Variants in RAD52 observed in about 807,000 individuals in gnomAD.
RAD52 encodes the protein RAD52 DNA repair protein.
RAD52 carries 47 observed loss-of-function variants against 55.5 expected under a neutral mutation model. The ratio of observed to expected loss-of-function variants is 0.85; its 90% CI spans 0.67 to 1.08. The LOEUF (loss-of-function observed/expected upper bound fraction) is 1.08, where lower values mean the gene tolerates loss of function less well. RAD52 is among the 50% of genes least tolerant of loss of function. RAD52 has a pLI of 0.00. For missense variants in RAD52, 468 were observed against 522.8 expected (o/e 0.90, Z 1.02); for synonymous variants, 184 against 198.9 (o/e 0.92, Z 0.63).
intron 7 of RAD52, among the ~76,000 whole-genome samples, chr12:924,827 A>G (rs1303931533): frequency 1.3e-5 from 2 of 152,192 alleles, no homozygotes; most frequent in Non-Finnish European, 2.9e-5. Flanking sequence ...TCTGGGAAGG[A>G]CAGTGGTGCT....
At position 913,187 on chromosome 12, in the gene RAD52, C is replaced by T. The variant is rs1956188127; in HGVS notation, c.*204G>A. ...TTCATCTGTCCAGAGCCTCTCCCTA[C>T]TAGAGTGATGGACAAGCTTTTCAAA... On this transcript the variant is annotated 3_prime_UTR_variant, in exon 12 of 12. Transcript: ENST00000358495. 1 of 587,562 alleles carries T rather than the reference C, an allele frequency of 1.7e-6. No homozygotes were observed. Among genetic ancestry groups the T allele is most frequent in the Non-Finnish European group, 3.0e-6 (1 of 332,740 alleles). 36.4% of individuals were successfully genotyped at this position (587,562 alleles called of 1,614,324 possible). A position where few individuals can be genotyped will look rare whatever the true frequency, so the allele number is the denominator to read the frequency against.
intron 1 of RAD52, among the ~76,000 whole-genome samples, chr12:979,755 T>C (rs1958985903): frequency 6.6e-6 from 1 of 152,124 alleles, no homozygotes; most frequent in African/African-American, 2.4e-5. Flanking sequence ...TATTTTATTA[T>C]GGCAGCTCTT....
At chr12:972,427 G>A (rs959391226) in intron 1 of RAD52, among the ~76,000 whole-genome samples, 3 of 152,136 alleles carry the variant, frequency 2.0e-5, no homozygotes, top group Non-Finnish European at 2.9e-5. Flanking sequence ...AGGAAGTAAG[G>A]AAGCAAGCCT....
rs1371812298 is a variant in RAD52 at position 931,233 on chromosome 12, C to T, written c.173G>A (p.Gly58Asp). ...GPEYISSRMAGGGQKVCYIEG... is the reference protein window; with the variant it reads ...GPEYISSRMADGGQKVCYIEG... ...GAATTCTCCTACCTTCTGGCCTCCG[C>T]CAGCCATGCGGCTACTTATGTATTC... Residue 58 changes from glycine (G) to aspartate (D), a missense_variant, in exon 3 of 12, where the codon GGC becomes GAC. Gly to Asp is a moderately conservative substitution (Grantham distance 94, BLOSUM62 -1). Coordinates refer to ENST00000358495, the MANE Select transcript of RAD52 (RefSeq NM_134424.4). 6.2e-7 allele frequency: 1 copy of T among 1,612,114 alleles called. No homozygotes were observed. Among genetic ancestry groups the T allele is most frequent in the Non-Finnish European group, 8.5e-7 (1 of 1,179,484 alleles).
chr12:912,904 C>T lies in RAD52; in HGVS notation c.*487G>A, dbSNP rs1956174121. ...GATTGATACAAAGTAGTGAAAAGCA[C>T]TGCTCCAACCTTTTTCCTGTCGTGA... On this transcript the variant is annotated 3_prime_UTR_variant, in exon 12 of 12. Transcript: ENST00000358495. The T allele has an allele frequency of 5.1e-6, 1 of 197,594 alleles. No homozygotes were observed. Among genetic ancestry groups the T allele is most frequent in the East Asian group, 8.0e-5 (1 of 12,544 alleles). The allele number at this position is 197,594 out of a possible 1,614,324, so 12.2% of individuals were successfully genotyped here. A position where few individuals can be genotyped will look rare whatever the true frequency, so the allele number is the denominator to read the frequency against.
At chr12:951,146 G>C (rs148276132), upstream of RAD52, among the ~76,000 whole-genome samples, 2 of 152,142 alleles carry the variant, frequency 1.3e-5, no homozygotes, top group East Asian at 3.9e-4. Context: ...AAGCTATCAA[G>C]CTGTTGCCCA....
At chr12:957,178 C>T (rs746208632) in intron 1 of RAD52, among the ~76,000 whole-genome samples, 3 of 152,062 alleles carry the variant, frequency 2.0e-5, no homozygotes, top group Non-Finnish European at 4.4e-5. Flanking sequence ...CATTTTGAGG[C>T]TGGGTGCAGT....
intron 1 of RAD52, among the ~76,000 whole-genome samples, chr12:988,380 G>C (rs898818852): frequency 6.6e-6 from 1 of 152,120 alleles, no homozygotes. Context: ...TGCCCCCACA[G>C]TCCATGTTGG....
intron 5 of RAD52, among the ~76,000 whole-genome samples, chr12:928,502 A>T (rs1957159829): frequency 6.6e-6 from 1 of 151,882 alleles, no homozygotes; most frequent in African/African-American, 2.4e-5. Flanking sequence ...GGGCAACAAG[A>T]GCAAAACTCC....
chr12:949,202 T>C (rs1157171995), intron 1 of RAD52, among the ~76,000 whole-genome samples: 3 of 152,166 alleles, frequency 2.0e-5, no homozygotes, highest in African/African-American at 7.2e-5. Flanking sequence ...AAATTCCTTT[T>C]AAATCAATCA....
chr12:973,224 C>T (rs1053851253), intron 1 of RAD52, among the ~76,000 whole-genome samples: 22 of 152,026 alleles, frequency 1.4e-4, no homozygotes, highest in African/African-American at 4.8e-4. Context: ...CGCCCGCCAC[C>T]ACACCCGGCT....
chr12:965,683 T>C (rs541328198), intron 1 of RAD52, among the ~76,000 whole-genome samples: 18 of 152,060 alleles, frequency 1.2e-4, no homozygotes. Flanking sequence ...AGTTGTTGTT[T>C]GTTTGCTTGG....
At chr12:916,239 CTG>C in intron 9 of RAD52, 103 bp downstream of exon 9, 14 of 1,523,874 alleles carry the variant, frequency 9.2e-6, no homozygotes, top group East Asian at 4.6e-5. Flanking sequence ...CCAGCGAGGC[CTG>C]GTTTGGAGCC....
chr12:958,641 G>C (rs1592470879), intron 1 of RAD52, among the ~76,000 whole-genome samples: 1 of 152,202 alleles, frequency 6.6e-6, no homozygotes, highest in Non-Finnish European at 1.5e-5. Context: ...GCCATTTTTG[G>C]AAAATGCTGC....
At chr12:970,813 G>C (rs1460574399) in intron 1 of RAD52, among the ~76,000 whole-genome samples, 1 of 152,074 alleles carries the variant, frequency 6.6e-6, no homozygotes, top group Non-Finnish European at 1.5e-5. Context: ...TCACAGCAAA[G>C]GGAATGTTCT....
intron 1 of RAD52, among the ~76,000 whole-genome samples, chr12:961,361 G>C (rs969119639): frequency 6.8e-6 from 1 of 148,132 alleles, no homozygotes; most frequent in Admixed American, 6.8e-5. Context: ...AGAAAGCCAG[G>C]AAGTTACTTG....
upstream of RAD52, chr12:949,843 C>T (rs1958472228): frequency 6.6e-6 from 1 of 152,256 alleles, no homozygotes; most frequent in Admixed American, 6.5e-5. Context: ...AGCCGTAAAG[C>T]AACCTGGAGG....
At position 913,287 on chromosome 12, in the gene RAD52, G is replaced by A. The variant is rs11571474; in HGVS notation, c.*104C>T. 0.021 allele frequency: 18,419 copies of A among 864,976 alleles called. 872 individuals carry two copies. Among genetic ancestry groups the A allele is most frequent in the African/African-American group, 0.16 (9,178 of 59,066 alleles). The allele number at this position is 864,976 out of a possible 1,614,324, so 53.6% of individuals were successfully genotyped here. On this transcript the variant is annotated 3_prime_UTR_variant, in exon 12 of 12. Transcript: ENST00000358495. The stretch of plus-strand genomic sequence containing the variant: ...GGTTCAGAATGAAGCAAGATAAATC[G>A]CAATGACGTTCATTCTCCAGCAGCG...
At chr12:961,706 C>G (rs1211031219) in intron 1 of RAD52, among the ~76,000 whole-genome samples, 5 of 151,468 alleles carry the variant, frequency 3.3e-5, no homozygotes, top group Admixed American at 3.3e-4. Flanking sequence ...ACTAAAAATA[C>G]AAAAAAATTA....
Sources: gnomAD v4.1 joint callset for allele counts (sites outside exome capture counted in the v4.1 genomes callset) on GRCh38, gnomAD v4.1.1 for gene constraint, MANE v1.5 for transcripts, NCBI Gene and HGNC (gene_info 2026-07-23, HGNC 2026-07-21) for gene names.